Variants in BPIFA2 observed in about 807,000 individuals in gnomAD.
The protein encoded by BPIFA2 is BPI fold containing family A member 2, also known as BPI fold-containing family A member 2.
A neutral mutation model predicts 25.7 loss-of-function variants in BPIFA2; 20 were observed. The ratio of observed to expected loss-of-function variants is 0.78; its 90% CI spans 0.55 to 1.13. BPIFA2 has a LOEUF of 1.13. Ranked by LOEUF, BPIFA2 falls within the 50% of genes most tolerant of loss-of-function variation. BPIFA2 has a pLI of 0.00. For missense variants in BPIFA2, 300 were observed against 298.1 expected (o/e 1.01, Z -0.05); for synonymous variants, 126 against 124.3 (o/e 1.01, Z -0.09).
chr20:33,174,097 C>T lies in BPIFA2; in HGVS notation c.321C>T (p.Ser107=), dbSNP rs1470577057. The T allele has an allele frequency of 6.2e-7, 1 of 1,614,112 alleles. No individual in the cohort carries two copies. The change falls in exon 4 of 9, where the codon TCC becomes TCT. Residue 107 remains serine, a synonymous_variant. Transcript: ENST00000354932. ...CACACAGGTTGAAAATCAGCAACTC[C>T]CTCATCCTGGATGTCAAAGCTGAAC... ...TDIFGLKISN[S]LILDVKAEPI... is the part of the protein sequence containing the mutation.
At chr20:33,174,996 T>C (rs1207356762) in intron 4 of BPIFA2, among the ~76,000 whole-genome samples, 1 of 152,214 alleles carries the variant, frequency 6.6e-6, no homozygotes, top group Non-Finnish European at 1.5e-5. Context: ...CATGCACTAA[T>C]GATGCCACCC....
At chr20:33,166,019 T>TTTTG (rs1295868876), upstream of BPIFA2, among the ~76,000 whole-genome samples, 3 of 152,050 alleles carry the variant, frequency 2.0e-5, no homozygotes, top group Non-Finnish European at 2.9e-5. Context: ...TTTATTTTAT[T>TTTTG]TTTGTTTGTT....
chr20:33,174,259 C>T (rs759828518), intron 4 of BPIFA2, 73 bp downstream of exon 4: 5 of 1,329,718 alleles, frequency 3.8e-6, no homozygotes, highest in Non-Finnish European at 5.4e-6. Flanking sequence ...ACCTGGGAAT[C>T]GGGCACCTCC....
intron 2 of BPIFA2, among the ~76,000 whole-genome samples, chr20:33,171,890 A>G (rs1458085228): frequency 6.6e-6 from 1 of 152,216 alleles, no homozygotes; most frequent in Non-Finnish European, 1.5e-5. Context: ...ATTACTGGGT[A>G]TATCCCCAGA....
At chr20:33,166,170 C>T (rs1983717315), upstream of BPIFA2, among the ~76,000 whole-genome samples, 1 of 152,098 alleles carries the variant, frequency 6.6e-6, no homozygotes, top group Admixed American at 6.5e-5. Context: ...ATGCCTGCCC[C>T]CACACCCGGC....
intron 1 of BPIFA2, among the ~76,000 whole-genome samples, chr20:33,162,400 T>C (rs1439157595): frequency 6.6e-6 from 1 of 152,180 alleles, no homozygotes; most frequent in Non-Finnish European, 1.5e-5. Context: ...TTAGCACCGA[T>C]TTTAGAGAGC....
intron 5 of BPIFA2, 85 bp downstream of exon 5, chr20:33,175,644 AGGC>A: frequency 1.6e-5 from 23 of 1,438,310 alleles, no homozygotes; most frequent in Non-Finnish European, 2.0e-5. Flanking sequence ...ACCTAAGAGG[AGGC>A]CTAGTGGTGA....
chr20:33,177,606 C>A (rs147037351), intron 5 of BPIFA2, among the ~76,000 whole-genome samples: 1 of 152,166 alleles, frequency 6.6e-6, no homozygotes, highest in Non-Finnish European at 1.5e-5. Flanking sequence ...CGGTAAAGAA[C>A]GCTCCAGGGA....
intron 3 of BPIFA2, among the ~76,000 whole-genome samples, chr20:33,173,539 C>T (rs889303843): frequency 8.5e-5 from 13 of 152,098 alleles, no homozygotes; most frequent in Non-Finnish European, 1.5e-5. Context: ...GAGTTTCACT[C>T]TTGTTACCCA....
chr20:33,178,261 G>C (rs1466628130), intron 6 of BPIFA2, 33 bp downstream of exon 6: 2 of 1,498,608 alleles, frequency 1.3e-6, no homozygotes, highest in Non-Finnish European at 1.9e-6. Context: ...CCCAGATCCA[G>C]GCCTGGTGGG....
chr20:33,180,843 A>G (rs1386003621), intron 8 of BPIFA2, among the ~76,000 whole-genome samples: 1 of 152,166 alleles, frequency 6.6e-6, no homozygotes, highest in Non-Finnish European at 1.5e-5. Context: ...CTTTGATGCC[A>G]GTTATTGACT....
intron 5 of BPIFA2, among the ~76,000 whole-genome samples, chr20:33,177,241 G>A (rs1270576700): frequency 6.6e-6 from 1 of 151,928 alleles, no homozygotes; most frequent in Non-Finnish European, 1.5e-5. Context: ...TGTAATCCCA[G>A]CTACTCGGGA....
chr20:33,178,192 G>A lies in BPIFA2; in HGVS notation c.609G>A (p.Thr203=), dbSNP rs373151340. The A allele has an allele frequency of 1.4e-5, 22 of 1,606,632 alleles. No individual in the cohort carries two copies. Among genetic ancestry groups the A allele is most frequent in the Admixed American group, 5.0e-5 (3 of 59,610 alleles). ...INKFVNSVIN[T]LKSTVSSLLQ... ...AGTTCGTGAATAGCGTGATCAACAC[G>A]CTGAAAAGCACTGTATCCTCCCTGC... The change falls in exon 6 of 9, where the codon ACG becomes ACA. Residue 203 remains threonine (T), a synonymous_variant. Coordinates refer to ENST00000354932, the MANE Select transcript of BPIFA2 (RefSeq NM_080574.4).
At chr20:33,174,595 T>C (rs1482869305) in intron 4 of BPIFA2, among the ~76,000 whole-genome samples, 2 of 152,172 alleles carry the variant, frequency 1.3e-5, no homozygotes, top group African/African-American at 4.8e-5. Flanking sequence ...AAAGTGTGTG[T>C]GTGCAAAATA....
At chr20:33,173,597 T>C (rs115406877) in intron 3 of BPIFA2, among the ~76,000 whole-genome samples, 4,318 of 152,260 alleles carry the variant, frequency 0.028, 185 homozygotes, top group African/African-American at 0.096. Flanking sequence ...CCTCGCCTCC[T>C]GGGTTCAAGC....
At chr20:33,175,606 G>A (rs1479461543) in intron 5 of BPIFA2, 47 bp downstream of exon 5, 6 of 1,592,988 alleles carry the variant, frequency 3.8e-6, no homozygotes, top group South Asian at 1.1e-5. Context: ...GGGAACTTGA[G>A]GACCCCTAAT....
At chr20:33,162,433 G>T (rs79250306) in intron 1 of BPIFA2, among the ~76,000 whole-genome samples, 1 of 152,134 alleles carries the variant, frequency 6.6e-6, no homozygotes, top group Non-Finnish European at 1.5e-5. Flanking sequence ...CTCAGACAGC[G>T]GCCATGCCTT....
At chr20:33,167,811 G>A (rs1376194954), upstream of BPIFA2, among the ~76,000 whole-genome samples, 1 of 152,182 alleles carries the variant, frequency 6.6e-6, no homozygotes, top group African/African-American at 2.4e-5. Flanking sequence ...GACGGAGTTA[G>A]ACCGGATGGT....
chr20:33,180,370 G>A (rs528235224), intron 7 of BPIFA2, 150 bp from the exon 8 acceptor site: 39 of 817,908 alleles, frequency 4.8e-5, no homozygotes, highest in Middle Eastern at 3.4e-4. Context: ...CTTTACAGAT[G>A]AACAAACTGA....
Sources: allele counts gnomAD v4.1 joint callset (sites outside exome capture counted in the v4.1 genomes callset), GRCh38; gene constraint gnomAD v4.1.1; transcripts MANE v1.5; gene names NCBI Gene and HGNC (gene_info 2026-07-23, HGNC 2026-07-21).